WDR33: variants seen among roughly 807,000 people sequenced by gnomAD.
WDR33 encodes the protein WD repeat domain 33.
In WDR33, 47 loss-of-function variants were observed where a neutral mutation model predicts 164.9. The ratio of observed to expected loss-of-function variants is 0.29; its 90% CI spans 0.23 to 0.36. The LOEUF is 0.36. WDR33 is among the 10% of genes least tolerant of loss of function. The probability of loss-of-function intolerance (pLI) is 1.00; values close to 1 mark genes in which losing one functional copy is unlikely to be tolerated. For missense variants in WDR33, 1,137 were observed against 1,754.1 expected (o/e 0.65, Z 6.28); for synonymous variants, 505 against 589.0 (o/e 0.86, Z 2.06).
intron 7 of WDR33, among the ~76,000 whole-genome samples, chr2:127,732,413 C>G (rs1686735206): frequency 6.6e-6 from 1 of 151,926 alleles, no homozygotes; most frequent in Non-Finnish European, 1.5e-5. Flanking sequence ...CCTCTGACTC[C>G]TGGGCTCAAA....
rs968666774 is a variant in WDR33, at chr2:127,763,851, C to A, written c.627-692G>T. The A allele has an allele frequency of 1.0e-5, 10 of 985,466 alleles. No individual in the cohort carries two copies. The highest frequency in any genetic ancestry group is 6.2e-5 in the Admixed American group (1 of 16,260). 61.0% of individuals were successfully genotyped at this position (985,466 alleles called of 1,614,324 possible). A position where few individuals can be genotyped will look rare whatever the true frequency, so the allele number is the denominator to read the frequency against. On this transcript the variant is annotated intron_variant, in intron 6 of 21. Coordinates refer to ENST00000322313, the MANE Select transcript of WDR33 (RefSeq NM_018383.5). This position sits in a 1 kb window ranked among gnomAD's most constrained non-coding sequence, Gnocchi z 4.5. The stretch of plus-strand genomic sequence containing the variant: ...TTTCTCAACTAACTCTAAAAACTCC[C>A]TTGAACTTTGGAATCCTATGAAGGA...
chr2:127,803,367 G>A (rs564339585), intron 1 of WDR33, among the ~76,000 whole-genome samples: 9 of 152,116 alleles, frequency 5.9e-5, no homozygotes, highest in African/African-American at 1.9e-4. Context: ...ATCACTTAAG[G>A]CCAGGGGTTC....
chr2:127,768,537 C>T (rs2105441091), intron 3 of WDR33, among the ~76,000 whole-genome samples: 2 of 152,242 alleles, frequency 1.3e-5, no homozygotes, highest in South Asian at 2.1e-4. Context: ...AGTACTAACC[C>T]AGTACAAGTT....
chr2:127,735,489 T>C lies in WDR33; in HGVS notation c.725-8712A>G. 1.0e-6 allele frequency: 1 copy of C among 984,982 alleles called. No individual in the cohort carries two copies. Among genetic ancestry groups the C allele is most frequent in the Non-Finnish European group, 1.2e-6 (1 of 829,152 alleles). The allele number at this position is 984,982 out of a possible 1,614,324, so 61.0% of individuals were successfully genotyped here. A position where few individuals can be genotyped will look rare whatever the true frequency, so the allele number is the denominator to read the frequency against. Reference sequence around the variant, plus strand: ...TATGAACAAATCTTAAAAAAAATTCTTTTATACAAAACTTATAAAAAGCAC... The same window carrying C: ...TATGAACAAATCTTAAAAAAAATTCCTTTATACAAAACTTATAAAAAGCAC... On this transcript the variant is annotated intron_variant, in intron 7 of 21. Transcript: ENST00000322313. This position sits in a 1 kb window ranked among gnomAD's most constrained non-coding sequence, Gnocchi z 4.3.
rs1686301575 is a variant in WDR33 at position 127,716,396 on chromosome 2, G to GT, written c.2869+758dup. Among the ~76,000 whole-genome samples the GT allele has an allele frequency of 6.6e-6, 1 of 152,086 alleles. No homozygotes were observed. Among genetic ancestry groups the GT allele is most frequent in the Non-Finnish European group, 1.5e-5 (1 of 68,026 alleles). On this transcript the variant is annotated intron_variant, in intron 17 of 21. Transcript: ENST00000322313. The surrounding 1 kb of genome is among the most constrained non-coding windows in gnomAD (Gnocchi z 4.5). ...GGTCCTCCTGATTCTCCGAGTTGTG[G>GT]TTTCTCCCCGTTATGAAAGTGTGTG...
chr2:127,771,756 T>C (rs748056584), intron 1 of WDR33, among the ~76,000 whole-genome samples: 1 of 135,188 alleles, frequency 7.4e-6, no homozygotes, highest in African/African-American at 2.8e-5. Flanking sequence ...CCAGCCTGAG[T>C]GACAGGGAGA....
intron 4 of WDR33, among the ~76,000 whole-genome samples, 187 bp downstream of exon 4, chr2:127,768,002 G>C (rs2105440317): frequency 6.6e-6 from 1 of 152,248 alleles, no homozygotes; most frequent in Non-Finnish European, 1.5e-5. Context: ...TCCAAAAGTG[G>C]TATCTCACTC....
chr2:127,744,882 C>T (rs986942063), intron 7 of WDR33, among the ~76,000 whole-genome samples: 5 of 152,132 alleles, frequency 3.3e-5, no homozygotes, highest in African/African-American at 4.8e-5. Context: ...CCAATTCTTA[C>T]TTCCATGCAA....
intron 1 of WDR33, among the ~76,000 whole-genome samples, chr2:127,786,722 T>C (rs371386955): frequency 6.6e-6 from 1 of 152,180 alleles, no homozygotes; most frequent in East Asian, 1.9e-4. Context: ...ATGCTGTCCA[T>C]ATATCCTATA....
chr2:127,795,673 A>G (rs866803685), intron 1 of WDR33, among the ~76,000 whole-genome samples: 7 of 148,718 alleles, frequency 4.7e-5, no homozygotes, highest in African/African-American at 1.8e-4. Flanking sequence ...AAAAAAAAAA[A>G]CACCAAAAAG....
chr2:127,750,058 CT>C (rs1181461279), intron 7 of WDR33, among the ~76,000 whole-genome samples: 5 of 152,076 alleles, frequency 3.3e-5, no homozygotes, highest in Non-Finnish European at 7.4e-5. Context: ...GGGTCTCATT[CT>C]GCCACCCAGG....
chr2:127,739,782 T>A (rs1686960512), intron 7 of WDR33, among the ~76,000 whole-genome samples: 2 of 152,334 alleles, frequency 1.3e-5, no homozygotes, highest in South Asian at 4.1e-4. Context: ...GACTTAGTTA[T>A]CCAGCAAGAG....
At chr2:127,749,292 C>A (rs1251084856) in intron 7 of WDR33, among the ~76,000 whole-genome samples, 2 of 152,150 alleles carry the variant, frequency 1.3e-5, no homozygotes, top group Non-Finnish European at 2.9e-5. Context: ...TGTGATCGTG[C>A]CACTGCACTC....
In WDR33 at chr2:127,701,920, C is replaced by T. The variant is rs1467374106; in HGVS notation, c.*4403G>A. ...AGCGCGCTGCTGCGGGGCGGCGCGG[C>T]GTGCGGACGCCTGCTGCGCTGCGAA... On this transcript the variant is annotated 3_prime_UTR_variant, in exon 22 of 22. Coordinates refer to ENST00000322313, the MANE Select transcript of WDR33 (RefSeq NM_018383.5). The T allele has an allele frequency of 1.4e-6, 2 of 1,443,150 alleles. No individual in the cohort carries two copies. Among genetic ancestry groups the T allele is most frequent in the East Asian group, 6.2e-5 (2 of 32,208 alleles). The allele number at this position is 1,443,150 out of a possible 1,614,324, so 89.4% of individuals were successfully genotyped here.
In WDR33 at chr2:127,708,782, C is replaced by A; in HGVS notation, c.3676G>T (p.Ala1226Ser). The A allele has an allele frequency of 1.2e-6, 2 of 1,613,786 alleles. No individual in the cohort carries two copies. Among genetic ancestry groups the A allele is most frequent in the South Asian group, 1.1e-5 (1 of 90,984 alleles). Residue 1226 changes from alanine to serine, a missense_variant, in exon 21 of 22, where the codon GCA (alanine) becomes TCA (serine). Transcript: ENST00000322313. This position sits in a 1 kb window ranked among gnomAD's most constrained non-coding sequence, Gnocchi z 6.7. ...RSSSLQGMDMASLPPRKRPWH... is the reference protein window; with the variant it reads ...RSSSLQGMDMSSLPPRKRPWH... ...GGGCGCTTTCGGGGAGGTAGGGATG[C>A]CATGTCCATGCCTTGGAGAGAAGAG...
chr2:127,779,975 A>ATTT (rs1201664053), intron 1 of WDR33, among the ~76,000 whole-genome samples: 2 of 142,694 alleles, frequency 1.4e-5, no homozygotes, highest in Admixed American at 7.0e-5. Context: ...GGTTTTTTTG[A>ATTT]TTTTTTTTTT....
Position 127,773,926 on chromosome 2 carries a change from A to C in WDR33, c.-23-2922T>G, listed in dbSNP as rs560747944. On this transcript the variant is annotated intron_variant, in intron 1 of 21. Transcript: ENST00000322313. ...CCATTAGGTGCATGCCACCATGCCCAGGTAATTTTTTTTGTATTTTAGTAG... is the reference window on the plus strand; with the variant it reads ...CCATTAGGTGCATGCCACCATGCCCCGGTAATTTTTTTTGTATTTTAGTAG... Among the ~76,000 whole-genome samples the C allele has an allele frequency of 2.6e-5, 4 of 151,476 alleles. No homozygotes were observed. The East Asian group carries it at 7.8e-4, about 29-fold the overall frequency.
At chr2:127,800,366 G>A (rs1373980817) in intron 1 of WDR33, among the ~76,000 whole-genome samples, 4 of 152,186 alleles carry the variant, frequency 2.6e-5, no homozygotes, top group Non-Finnish European at 5.9e-5. Flanking sequence ...TGGGCGCAGT[G>A]GCTCATGCCT....
chr2:127,754,394 T>C (rs528002647), intron 7 of WDR33, among the ~76,000 whole-genome samples: 50 of 152,184 alleles, frequency 3.3e-4, no homozygotes, highest in East Asian at 2.1e-3. Context: ...GGAAGCCCAA[T>C]AGCTCACACA....
Sources: gnomAD v4.1 joint callset for allele counts (sites outside exome capture counted in the v4.1 genomes callset) on GRCh38, gnomAD v4.1.1 for gene constraint, Gnocchi (gnomAD v3.1) non-coding constraint, MANE v1.5 for transcripts, NCBI Gene and HGNC (gene_info 2026-07-23, HGNC 2026-07-21) for gene names.